NFIB: variants seen among roughly 807,000 people sequenced by gnomAD.
NFIB encodes nuclear factor I B.
NFIB carries 11 observed loss-of-function variants against 61.5 expected under a neutral mutation model. That is an observed-to-expected ratio of 0.18 (90% CI 0.11 to 0.30). NFIB has a LOEUF of 0.30. Ranked by LOEUF, NFIB falls within the 10% of genes least tolerant of loss-of-function variation. The pLI is 1.00. For missense variants in NFIB, 471 were observed against 608.9 expected (o/e 0.77, Z 2.38); for synonymous variants, 260 against 216.5 (o/e 1.20, Z -1.76).
chr9:14,130,712 AG>A (rs2130936737), intron 6 of NFIB, among the ~76,000 whole-genome samples: 1 of 152,292 alleles, frequency 6.6e-6, no homozygotes, highest in Non-Finnish European at 1.5e-5. Context: ...AAGAAAGAAG[AG>A]GTAAAGCAGG....
the NFIB span, among the ~76,000 whole-genome samples, chr9:14,430,968 A>G: frequency 6.6e-6 from 1 of 152,200 alleles, no homozygotes; most frequent in African/African-American, 2.4e-5. Context: ...AACAGGTATT[A>G]CGTTTGGTAT....
intron 10 of NFIB, among the ~76,000 whole-genome samples, chr9:14,105,665 A>G (rs982024812): frequency 6.6e-6 from 1 of 152,158 alleles, no homozygotes; most frequent in African/African-American, 2.4e-5. Context: ...TATTCACCAA[A>G]GATTTCCATG....
upstream of NFIB, among the ~76,000 whole-genome samples, chr9:14,315,642 C>G (rs1305164551): frequency 2.0e-5 from 3 of 148,790 alleles, no homozygotes; most frequent in Non-Finnish European, 4.5e-5. Context: ...CGGCGCTGCC[C>G]CGCCCCCACC....
chr9:14,264,464 G>T (rs554559833), intron 2 of NFIB, among the ~76,000 whole-genome samples: 1 of 152,158 alleles, frequency 6.6e-6, no homozygotes, highest in South Asian at 2.1e-4. Flanking sequence ...GAAACCAAAG[G>T]AACCCCTACT....
chr9:14,347,513 T>C lies in NFIB; in HGVS notation c.109-39993A>G, dbSNP rs1402461774. 2.0e-5 allele frequency among the ~76,000 whole-genome samples: 3 copies of C among 152,118 alleles called. No individual in the cohort carries two copies. The South Asian group carries it at 6.2e-4, about 32-fold the overall frequency. ...CTTTGGAAAGTTTAGGTAGCGCAGT[T>C]AGTGGCGGAGGCTCAGGGCAAGCTA... On this transcript the variant is annotated intron_variant, in intron 1 of 8. Transcript: ENST00000380934.
the NFIB span, among the ~76,000 whole-genome samples, chr9:14,469,183 C>A: frequency 6.6e-6 from 1 of 152,134 alleles, no homozygotes; most frequent in Admixed American, 6.5e-5. Context: ...GATTGGGGGA[C>A]CGAACTGTGC....
intron 2 of NFIB, among the ~76,000 whole-genome samples, chr9:14,211,974 TTTA>T (rs2050355931): frequency 6.6e-6 from 1 of 152,240 alleles, no homozygotes; most frequent in Admixed American, 6.5e-5. Context: ...ACCACTGGGT[TTTA>T]TTGGTAGCTG....
chr9:14,445,896 C>G, the NFIB span, among the ~76,000 whole-genome samples: 8 of 152,160 alleles, frequency 5.3e-5, no homozygotes, highest in South Asian at 1.7e-3. Flanking sequence ...TTTCTTGATG[C>G]CTAAATAACA....
intron 2 of NFIB, among the ~76,000 whole-genome samples, chr9:14,284,872 T>C (rs1255859545): frequency 2.0e-5 from 3 of 152,204 alleles, no homozygotes; most frequent in East Asian, 1.9e-4. Flanking sequence ...GATTCCTAAG[T>C]ATGGCTCTTG....
chr9:14,507,097 G>A, the NFIB span, among the ~76,000 whole-genome samples: 3 of 152,266 alleles, frequency 2.0e-5, no homozygotes, highest in East Asian at 5.8e-4. Flanking sequence ...GCAATGCACA[G>A]TAGCTAACAA....
intron 6 of NFIB, among the ~76,000 whole-genome samples, chr9:14,130,071 C>CT (rs913131297): frequency 2.0e-5 from 3 of 151,370 alleles, no homozygotes; most frequent in African/African-American, 2.4e-5. Flanking sequence ...AAAAATTTGA[C>CT]TTTTTTTTTC....
chr9:14,442,541 C>A, the NFIB span, among the ~76,000 whole-genome samples: 14 of 152,116 alleles, frequency 9.2e-5, no homozygotes, highest in Non-Finnish European at 2.1e-4. Flanking sequence ...GCTAGCAGGG[C>A]TGGTTCCTTC....
intron 1 of NFIB, among the ~76,000 whole-genome samples, chr9:14,347,829 G>A (rs893111230): frequency 6.6e-6 from 1 of 152,090 alleles, no homozygotes; most frequent in African/African-American, 2.4e-5. Context: ...TATCTGCCAA[G>A]GCGGGATTAG....
chr9:14,397,576 A>C (rs1212916972), intron 1 of NFIB, among the ~76,000 whole-genome samples: 4 of 152,214 alleles, frequency 2.6e-5, no homozygotes, highest in Non-Finnish European at 5.9e-5. Flanking sequence ...TATCTGGCCC[A>C]AAACTAAGGA....
At chr9:14,436,921 A>T in the NFIB span, among the ~76,000 whole-genome samples, 1 of 150,922 alleles carries the variant, frequency 6.6e-6, no homozygotes, top group Non-Finnish European at 1.5e-5. Flanking sequence ...ATGAGCTGGC[A>T]CCCCGGAAGG....
At chr9:14,240,354 A>G (rs1419782159) in intron 2 of NFIB, among the ~76,000 whole-genome samples, 1 of 152,138 alleles carries the variant, frequency 6.6e-6, no homozygotes, top group Non-Finnish European at 1.5e-5. Context: ...CTAGTCCCCT[A>G]TTCAGACATG....
intron 3 of NFIB, among the ~76,000 whole-genome samples, chr9:14,165,505 A>G (rs1043130622): frequency 1.3e-5 from 2 of 152,216 alleles, no homozygotes; most frequent in East Asian, 1.9e-4. Context: ...AGCTATCATT[A>G]CGATAGAGGA....
At chr9:14,514,319 T>TATATACACAC in the NFIB span, among the ~76,000 whole-genome samples, 1 of 52,672 alleles carries the variant, frequency 1.9e-5, no homozygotes, top group Non-Finnish European at 4.8e-5. Flanking sequence ...TACACATACA[T>TATATACACAC]ACATACATAC....
In NFIB at chr9:14,270,378, C is replaced by A. The variant is rs995650070; in HGVS notation, c.562+36611G>T. Among the ~76,000 whole-genome samples, 13 of 151,848 alleles carry A rather than the reference C, an allele frequency of 8.6e-5. No individual in the cohort carries two copies. The South Asian group carries it at 2.5e-3, about 29-fold the overall frequency. On this transcript the variant is annotated intron_variant, in intron 2 of 10. Transcript: ENST00000380953. ...TATTGCCAAGGGAAAGACTTTTTCCCCAGAAAGGCAATCTGTGCACATGCT... is the reference window on the plus strand; with the variant it reads ...TATTGCCAAGGGAAAGACTTTTTCCACAGAAAGGCAATCTGTGCACATGCT...
Sources: allele counts gnomAD v4.1 joint callset (sites outside exome capture counted in the v4.1 genomes callset), GRCh38; gene constraint gnomAD v4.1.1; transcripts MANE v1.5; gene names NCBI Gene and HGNC (gene_info 2026-07-23, HGNC 2026-07-21).